SLC25A15: variants seen among roughly 807,000 people sequenced by gnomAD.
SLC25A15 encodes the protein solute carrier family 25 member 15.
In SLC25A15, 24 loss-of-function variants were observed where a neutral mutation model predicts 32.3. The ratio of observed to expected loss-of-function variants is 0.74; its 90% CI spans 0.54 to 1.04. The LOEUF (loss-of-function observed/expected upper bound fraction) is 1.04, where lower values mean the gene tolerates loss of function less well. SLC25A15 is among the 50% of genes least tolerant of loss of function. The pLI, the probability that SLC25A15 is intolerant of heterozygous loss-of-function variation, is 0.00. For synonymous variants in SLC25A15, 132 were observed against 142.1 expected, an observed-to-expected ratio of 0.93 and a Z score of 0.51; for missense variants, 317 against 374.5, an observed-to-expected ratio of 0.85 and a Z score of 1.27.
chr13:40,795,135 C>T (rs1881629230), intron 2 of SLC25A15, among the ~76,000 whole-genome samples: 1 of 152,174 alleles, frequency 6.6e-6, no homozygotes, highest in Non-Finnish European at 1.5e-5. Context: ...TCCCCCTCCC[C>T]TCCCCCATGC....
At chr13:40,794,066 C>T (rs9532590) in intron 2 of SLC25A15, among the ~76,000 whole-genome samples, 53,046 of 152,098 alleles carry the variant, frequency 0.35, 9,990 homozygotes, top group Middle Eastern at 0.45. Flanking sequence ...AAAGGCTGGG[C>T]GCAGTGGCTC....
chr13:40,804,245 C>T (rs1198826630), intron 3 of SLC25A15, among the ~76,000 whole-genome samples: 1 of 151,350 alleles, frequency 6.6e-6, no homozygotes, highest in East Asian at 1.9e-4. Flanking sequence ...CACAATGGCC[C>T]TATCCTCATG....
intron 3 of SLC25A15, among the ~76,000 whole-genome samples, chr13:40,799,743 T>C (rs1448295538): frequency 6.6e-6 from 1 of 152,240 alleles, no homozygotes; most frequent in Middle Eastern, 3.2e-3. Context: ...CAGCTGGCAG[T>C]GCTACCTCTC....
intron 6 of SLC25A15, among the ~76,000 whole-genome samples, chr13:40,809,043 T>C (rs1882329927): frequency 6.6e-6 from 1 of 152,160 alleles, no homozygotes; most frequent in African/African-American, 2.4e-5. Context: ...AGATACCTTG[T>C]CTGTTACTCA....
In SLC25A15 at chr13:40,805,116, A is replaced by C; in HGVS notation, c.315-2A>C. The C allele has an allele frequency of 1.2e-6, 2 of 1,614,048 alleles. No homozygotes were observed. Among genetic ancestry groups the C allele is most frequent in the South Asian group, 1.1e-5 (1 of 91,080 alleles). ...GGTAACTGTCTGCTTGTGTGCTTTCAGTGATCTGCAGAATGCAGCCGCCGG... is the reference window on the plus strand; with the variant it reads ...GGTAACTGTCTGCTTGTGTGCTTTCCGTGATCTGCAGAATGCAGCCGCCGG... On this transcript the variant is annotated splice_acceptor_variant, in intron 3 of 6. Coordinates refer to ENST00000338625, the MANE Select transcript of SLC25A15 (RefSeq NM_014252.4). LOFTEE classifies it high-confidence loss of function.
intron 3 of SLC25A15, among the ~76,000 whole-genome samples, chr13:40,804,871 T>C (rs1215082055): frequency 1.3e-5 from 2 of 152,148 alleles, no homozygotes; most frequent in Non-Finnish European, 2.9e-5. Context: ...TTTTTAGACA[T>C]GGAGGTCTCT....
intron 3 of SLC25A15, chr13:40,802,163 AC>A (rs1453045527): frequency 6.6e-6 from 1 of 152,264 alleles, no homozygotes; most frequent in Non-Finnish European, 1.5e-5. Context: ...AGGGAGGCCA[AC>A]TGTGGATCTG....
rs572428514 is a variant in SLC25A15, at chr13:40,796,361, C to T, written c.56-2696C>T. On this transcript the variant is annotated intron_variant, in intron 2 of 6. Transcript: ENST00000338625. ...AAACAGCTAGGATAAAGGAGGATTT[C>T]AAGAACTTAGGTGATTAGGTAATTA... 2.0e-5 allele frequency among the ~76,000 whole-genome samples: 3 copies of T among 152,284 alleles called. No individual in the cohort carries two copies. In the East Asian group the frequency reaches 5.8e-4, roughly 29 times the overall value.
intron 5 of SLC25A15, among the ~76,000 whole-genome samples, 181 bp from the exon 6 acceptor site, chr13:40,808,257 A>G (rs1185163516): frequency 6.6e-6 from 1 of 152,232 alleles, no homozygotes; most frequent in African/African-American, 2.4e-5. Flanking sequence ...CTACCAAACA[A>G]AACCCTGTGT....
intron 1 of SLC25A15, among the ~76,000 whole-genome samples, chr13:40,791,329 A>ATTTAT (rs1555261844): frequency 4.3e-5 from 6 of 139,092 alleles, no homozygotes; most frequent in Non-Finnish European, 6.1e-5. Context: ...TTATTTATTT[A>ATTTAT]TTTATTTTAT....
intron 2 of SLC25A15, among the ~76,000 whole-genome samples, chr13:40,798,155 C>T (rs1267245376): frequency 1.3e-5 from 2 of 151,924 alleles, no homozygotes. Context: ...TGGTGGGTGC[C>T]TGTAATCCCA....
At position 40,807,292 on chromosome 13, in the gene SLC25A15, A is replaced by G; in HGVS notation, c.453-2A>G. On this transcript the variant is annotated splice_acceptor_variant, in intron 4 of 6. Transcript: ENST00000338625. LOFTEE classifies it high-confidence loss of function. ...GTGCTATCTCTCTGTGTCTCCTCCC[A>G]GTACAGTGTGGTCTGTCATCAAAAG... 1 of 1,613,946 alleles carries G rather than the reference A, an allele frequency of 6.2e-7. No homozygotes were observed. The highest frequency in any genetic ancestry group is 8.5e-7 in the Non-Finnish European group (1 of 1,179,934).
At position 40,791,301 on chromosome 13, in the gene SLC25A15, T is replaced by TTTTATTTATTTATTTA. The variant is rs58686711; in HGVS notation, c.-70+1658_-70+1673dup. Among the ~76,000 whole-genome samples, 618 of 140,680 alleles carry TTTTATTTATTTATTTA rather than the reference T, an allele frequency of 4.4e-3. 1 individual carries two copies. Among genetic ancestry groups the TTTTATTTATTTATTTA allele is most frequent in the Non-Finnish European group, 6.5e-3 (425 of 65,216 alleles). 92.3% of individuals were successfully genotyped at this position (140,680 alleles called of 152,430 possible). A position where few individuals can be genotyped will look rare whatever the true frequency, so the allele number is the denominator to read the frequency against. On this transcript the variant is annotated intron_variant, in intron 1 of 6. Transcript: ENST00000338625. The stretch of plus-strand genomic sequence containing the variant: ...GAAAGGATTAGGACCCTGATAAACT[T>TTTTATTTATTTATTTA]TTTATTTATTTATTTATTTATTTAT...
intron 3 of SLC25A15, among the ~76,000 whole-genome samples, chr13:40,799,571 T>A (rs1010813016): frequency 6.6e-5 from 10 of 152,352 alleles, no homozygotes; most frequent in East Asian, 3.9e-4. Flanking sequence ...TTTCCTTTTT[T>A]AAAAATAACT....
At chr13:40,795,067 C>G (rs1881626611) in intron 2 of SLC25A15, among the ~76,000 whole-genome samples, 1 of 152,170 alleles carries the variant, frequency 6.6e-6, no homozygotes, top group Admixed American at 6.5e-5. Flanking sequence ...CAGTGGGGGT[C>G]TGCCCAGTAG....
chr13:40,804,740 CAG>C (rs1882085764), intron 3 of SLC25A15, among the ~76,000 whole-genome samples: 1 of 150,010 alleles, frequency 6.7e-6, no homozygotes, highest in Admixed American at 6.7e-5. Context: ...TTAGTAGAGA[CAG>C]GGTTTCACCA....
intron 3 of SLC25A15, among the ~76,000 whole-genome samples, chr13:40,803,366 C>T (rs1326055407): frequency 1.3e-5 from 2 of 152,142 alleles, no homozygotes; most frequent in African/African-American, 2.4e-5. Context: ...AGGCGTGCAC[C>T]ACCAGGCATG....
intron 2 of SLC25A15, among the ~76,000 whole-genome samples, chr13:40,795,979 G>A (rs566945408): frequency 3.5e-4 from 53 of 152,290 alleles, no homozygotes; most frequent in Non-Finnish European, 5.1e-4. Context: ...TTAGTACTCC[G>A]TAATGCATCT....
At chr13:40,792,862 G>T (rs188111140) in intron 1 of SLC25A15, among the ~76,000 whole-genome samples, 1 of 152,158 alleles carries the variant, frequency 6.6e-6, no homozygotes, top group Non-Finnish European at 1.5e-5. Context: ...AGTCTGATGC[G>T]GTTTGGTACA....
Sources: allele counts gnomAD v4.1 joint callset (sites outside exome capture counted in the v4.1 genomes callset), GRCh38; gene constraint gnomAD v4.1.1; transcripts MANE v1.5; gene names NCBI Gene and HGNC (gene_info 2026-07-23, HGNC 2026-07-21).